Variants in ATP10B observed in about 807,000 individuals in gnomAD.
ATP10B encodes ATPase phospholipid transporting 10B (putative).
ATP10B carries 122 observed loss-of-function variants against 141.2 expected under a neutral mutation model. The ratio of observed to expected loss-of-function variants is 0.86; its 90% CI spans 0.75 to 1.00. The LOEUF (loss-of-function observed/expected upper bound fraction) is 1.00, where lower values mean the gene tolerates loss of function less well. ATP10B is among the 50% of genes least tolerant of loss of function. The probability of loss-of-function intolerance (pLI) is 0.00; values close to 1 mark genes in which losing one functional copy is unlikely to be tolerated. For missense variants in ATP10B, 1,876 were observed against 1,825.3 expected, an observed-to-expected ratio of 1.03 and a Z score of -0.51; for synonymous variants, 685 against 692.0, an observed-to-expected ratio of 0.99 and a Z score of 0.16.
At chr5:160,911,238 G>A in the ATP10B span, among the ~76,000 whole-genome samples, 137 of 152,288 alleles carry the variant, frequency 9.0e-4, no homozygotes, top group African/African-American at 3.3e-3. Flanking sequence ...GGACAAAGGA[G>A]ATACAACTCA....
intron 21 of ATP10B, among the ~76,000 whole-genome samples, chr5:160,600,211 T>C (rs1300175155): frequency 6.6e-6 from 1 of 152,202 alleles, no homozygotes; most frequent in Non-Finnish European, 1.5e-5. Context: ...TTAACAATAA[T>C]ATTAACATTA....
chr5:160,753,947 G>T (rs367871380), intron 2 of ATP10B, among the ~76,000 whole-genome samples: 2 of 152,070 alleles, frequency 1.3e-5, no homozygotes, highest in African/African-American at 4.8e-5. Flanking sequence ...ATTGTCCAAG[G>T]TTCTTCAAAG....
At chr5:160,623,756 G>A (rs921674591) in intron 13 of ATP10B, among the ~76,000 whole-genome samples, 2 of 152,200 alleles carry the variant, frequency 1.3e-5, no homozygotes, top group Non-Finnish European at 2.9e-5. Flanking sequence ...CTCTCAGGCA[G>A]TGAGATCTTA....
chr5:160,767,638 C>CCCACCA (rs375017606), intron 2 of ATP10B, among the ~76,000 whole-genome samples: 1 of 112,520 alleles, frequency 8.9e-6, no homozygotes, highest in Admixed American at 1.1e-4. Context: ...GTGCAGAACC[C>CCCACCA]CCCCCCCCAA....
chr5:160,915,336 C>CT, the ATP10B span, among the ~76,000 whole-genome samples: 6,312 of 145,072 alleles, frequency 0.044, 329 homozygotes, highest in African/African-American at 0.13. Context: ...AGCACACTGA[C>CT]TTTTTTTTTT....
intron 1 of ATP10B, among the ~76,000 whole-genome samples, chr5:160,805,008 G>C (rs1358512756): frequency 6.6e-6 from 1 of 152,114 alleles, no homozygotes; most frequent in African/African-American, 2.4e-5. Flanking sequence ...TTTTCAATTT[G>C]TATTTGGCCA....
chr5:160,889,613 C>T, the ATP10B span, among the ~76,000 whole-genome samples: 6 of 152,134 alleles, frequency 3.9e-5, no homozygotes, highest in East Asian at 1.2e-3. Flanking sequence ...CATCAGTGGG[C>T]ACAAAGAATC....
Position 160,687,845 on chromosome 5 carries a change from G to T in ATP10B, c.230C>A (p.Thr77Asn), listed in dbSNP as rs199980219. 6.2e-7 allele frequency: 1 copy of T among 1,614,170 alleles called. No individual in the cohort carries two copies. The highest frequency in any genetic ancestry group is 8.5e-7 in the Non-Finnish European group (1 of 1,180,024). ...PGNRTCTTKY[T>N]LFTFLPRNLF... ...ATTCCGGGGCAGGAAGGTGAAGAGGGTGTATTTGGTTGTGCAGGTTCTGTT... is the reference window on the plus strand; with the variant it reads ...ATTCCGGGGCAGGAAGGTGAAGAGGTTGTATTTGGTTGTGCAGGTTCTGTT... The change falls in exon 5 of 26, where the codon ACC becomes AAC. Residue 77 changes from threonine to asparagine, a missense_variant. Transcript: ENST00000327245.
chr5:160,833,210 AGG>A (rs1775209736), intron 1 of ATP10B, among the ~76,000 whole-genome samples: 1 of 152,208 alleles, frequency 6.6e-6, no homozygotes, highest in Non-Finnish European at 1.5e-5. Context: ...GTGCTATAAG[AGG>A]AGAGAGCAAG....
the ATP10B span, among the ~76,000 whole-genome samples, chr5:160,929,064 G>A: frequency 6.6e-6 from 1 of 152,302 alleles, no homozygotes; most frequent in Non-Finnish European, 1.5e-5. Context: ...GTGGCTGAGG[G>A]TGAAAACAGC....
intron 24 of ATP10B, among the ~76,000 whole-genome samples, chr5:160,587,600 T>C (rs932790542): frequency 6.6e-6 from 1 of 152,222 alleles, no homozygotes; most frequent in Non-Finnish European, 1.5e-5. Context: ...CCTCTTTTAT[T>C]TCCTTGACCA....
chr5:160,621,891 CAG>C (rs1758368293), intron 14 of ATP10B, among the ~76,000 whole-genome samples: 1 of 152,172 alleles, frequency 6.6e-6, no homozygotes, highest in Non-Finnish European at 1.5e-5. Context: ...TATATAAAAA[CAG>C]AGAGCAATAT....
chr5:160,685,988 A>G, intron 6 of ATP10B, 91 bp downstream of exon 6: 2 of 1,015,738 alleles, frequency 2.0e-6, no homozygotes, highest in South Asian at 5.7e-5. Context: ...TTAGGAAAAT[A>G]AAATCGAAGA....
At chr5:160,591,206 T>G (rs879881135) in intron 22 of ATP10B, 67 bp from the exon 23 acceptor site, 13 of 1,367,892 alleles carry the variant, frequency 9.5e-6, no homozygotes, top group Non-Finnish European at 1.3e-5. Context: ...GCAAGCAACT[T>G]TCTTGCATGT....
intron 2 of ATP10B, among the ~76,000 whole-genome samples, chr5:160,774,529 TA>T (rs1770140579): frequency 6.6e-6 from 1 of 152,158 alleles, no homozygotes; most frequent in Admixed American, 6.5e-5. Context: ...GGCAAAGAAT[TA>T]TGTGCTTTGC....
At chr5:160,743,552 AT>A (rs1261024027) in intron 2 of ATP10B, among the ~76,000 whole-genome samples, 1 of 151,400 alleles carries the variant, frequency 6.6e-6, no homozygotes, top group Non-Finnish European at 1.5e-5. Context: ...TATTAAGCTA[AT>A]TTTTTTTTAG....
At chr5:160,872,644 T>A in the ATP10B span, among the ~76,000 whole-genome samples, 1 of 152,198 alleles carries the variant, frequency 6.6e-6, no homozygotes, top group Non-Finnish European at 1.5e-5. Context: ...CATTTCCTCA[T>A]TTTATGTTTT....
the ATP10B span, among the ~76,000 whole-genome samples, chr5:160,905,514 A>G: frequency 1.3e-5 from 2 of 152,164 alleles, no homozygotes; most frequent in African/African-American, 4.8e-5. Context: ...GCTAGTTGTG[A>G]CTCATAGCTC....
the ATP10B span, among the ~76,000 whole-genome samples, chr5:160,873,411 T>C: frequency 3.3e-5 from 5 of 152,132 alleles, no homozygotes; most frequent in Non-Finnish European, 7.4e-5. Context: ...AAAGACAACA[T>C]AATAAAAGGT....
Sources: gnomAD v4.1 joint callset for allele counts (sites outside exome capture counted in the v4.1 genomes callset) on GRCh38, gnomAD v4.1.1 for gene constraint, MANE v1.5 for transcripts, NCBI Gene and HGNC (gene_info 2026-07-23, HGNC 2026-07-21) for gene names.